Variants in GRID1 observed in about 807,000 individuals in gnomAD.
The protein encoded by GRID1 is glutamate ionotropic receptor delta type subunit 1.
Under a neutral mutation model 98.0 loss-of-function variants are expected in GRID1, and 28 were observed. That is an observed-to-expected ratio of 0.29 (90% CI 0.21 to 0.39). GRID1 has a LOEUF of 0.39. Ranked by LOEUF, GRID1 falls within the 10% of genes least tolerant of loss-of-function variation. The pLI is 1.00. For missense variants in GRID1, 1,111 were observed against 1,340.5 expected, an observed-to-expected ratio of 0.83 and a Z score of 2.67; for synonymous variants, 553 against 538.5, an observed-to-expected ratio of 1.03 and a Z score of -0.37.
intron 4 of GRID1, among the ~76,000 whole-genome samples, chr10:86,022,755 T>C (rs140675963): frequency 0.01 from 1,540 of 151,772 alleles, 29 homozygotes; most frequent in African/African-American, 0.035. Context: ...TCATCTCTAC[T>C]AAAAATACAA....
Position 86,366,210 on chromosome 10 carries a change from C to T in GRID1, c.79+104G>A. 2 of 692,220 alleles carry T rather than the reference C, an allele frequency of 2.9e-6. No homozygotes were observed. Among genetic ancestry groups the T allele is most frequent in the South Asian group, 3.0e-5 (1 of 33,448 alleles). 42.9% of individuals were successfully genotyped at this position (692,220 alleles called of 1,614,324 possible). ...CGCGGCCCTTCGGGGGAGCACCGCC[C>T]GCCGAGCCCCTCGGCCCAGGGAAAC... On this transcript the variant is annotated intron_variant, in intron 1 of 15. Coordinates refer to ENST00000327946, the MANE Select transcript of GRID1 (RefSeq NM_017551.3). This position sits in a 1 kb window ranked among gnomAD's most constrained non-coding sequence, Gnocchi z 4.1.
In GRID1 at chr10:85,729,807, T is replaced by C. The variant is rs547639789; in HGVS notation, c.1234-193A>G. Among the ~76,000 whole-genome samples, 40 of 152,340 alleles carry C rather than the reference T, an allele frequency of 2.6e-4. 1 individual carries two copies. In the South Asian group the frequency reaches 7.7e-3, roughly 29 times the overall value. ...TGGTAGACAGAGTTACATGTCCTCCTTCAGCTCGCCTGGATCTCTATAGAG... is the reference window on the plus strand; with the variant it reads ...TGGTAGACAGAGTTACATGTCCTCCCTCAGCTCGCCTGGATCTCTATAGAG... On this transcript the variant is annotated intron_variant, in intron 8 of 15. Coordinates refer to ENST00000327946, the MANE Select transcript of GRID1 (RefSeq NM_017551.3).
Position 85,980,416 on chromosome 10 carries a change from T to C in GRID1, c.727-64177A>G, listed in dbSNP as rs116849266. On this transcript the variant is annotated intron_variant, in intron 4 of 15. Transcript: ENST00000327946. ...CAAGGAAACTTATGTTTCCATATAA[T>C]AGATGAGAAACTGTCTGTCTACAGA... 2.6e-5 allele frequency among the ~76,000 whole-genome samples: 4 copies of C among 151,978 alleles called. No homozygotes were observed. In the East Asian group the frequency reaches 5.8e-4, roughly 22 times the overall value.
In GRID1 at chr10:85,691,463, C is replaced by T. The variant is rs537449068; in HGVS notation, c.1997+31540G>A. Among the ~76,000 whole-genome samples, 5 of 152,224 alleles carry T rather than the reference C, an allele frequency of 3.3e-5. No individual in the cohort carries two copies. In the East Asian group the frequency reaches 9.7e-4, roughly 29 times the overall value. The stretch of plus-strand genomic sequence containing the variant: ...ATTCCCCAGATCCTCGTAGTGAGCC[C>T]CTGGCATCTGCCTGCTGTCCCTCCT... On this transcript the variant is annotated intron_variant, in intron 12 of 15. Transcript: ENST00000327946.
At chr10:86,221,488 C>CCA (rs1281386819) in intron 2 of GRID1, among the ~76,000 whole-genome samples, 35 of 152,306 alleles carry the variant, frequency 2.3e-4, no homozygotes, top group Non-Finnish European at 4.6e-4. Context: ...GGAGAGGAAG[C>CCA]CTTTGTGGGC....
At chr10:85,623,545 G>A (rs1216636276) in intron 13 of GRID1, among the ~76,000 whole-genome samples, 2 of 152,136 alleles carry the variant, frequency 1.3e-5, no homozygotes. Flanking sequence ...GGGGGCTGGG[G>A]GGAGGACACC....
intron 4 of GRID1, among the ~76,000 whole-genome samples, chr10:86,024,978 A>G (rs1486279134): frequency 6.6e-6 from 1 of 152,224 alleles, no homozygotes; most frequent in Non-Finnish European, 1.5e-5. Context: ...AGCTAGCCTG[A>G]GGAGTTTGCA....
chr10:85,982,017 G>A (rs1362698539), intron 4 of GRID1, among the ~76,000 whole-genome samples: 2 of 152,104 alleles, frequency 1.3e-5, no homozygotes, highest in Non-Finnish European at 2.9e-5. Flanking sequence ...GAGTGAGAGT[G>A]ATCCAATGAC....
intron 2 of GRID1, among the ~76,000 whole-genome samples, chr10:86,361,639 T>C: frequency 6.6e-6 from 1 of 152,188 alleles, no homozygotes. Context: ...CGCTTACAGG[T>C]TGAATCACCC....
At chr10:86,074,732 A>G (rs917783068) in intron 4 of GRID1, among the ~76,000 whole-genome samples, 1 of 152,172 alleles carries the variant, frequency 6.6e-6, no homozygotes, top group Non-Finnish European at 1.5e-5. Context: ...CCACTTTCTG[A>G]GCCCTGAAGA....
intron 2 of GRID1, among the ~76,000 whole-genome samples, chr10:86,272,424 A>C (rs1847199299): frequency 6.6e-6 from 1 of 152,232 alleles, no homozygotes; most frequent in Non-Finnish European, 1.5e-5. Context: ...CTCCCCCAGC[A>C]TGATGTTATG....
intron 12 of GRID1, among the ~76,000 whole-genome samples, chr10:85,660,237 T>C (rs911973523): frequency 1.3e-5 from 2 of 152,242 alleles, no homozygotes; most frequent in African/African-American, 4.8e-5. Context: ...AGGACCAGGA[T>C]ACTGGCAGGA....
chr10:85,746,652 A>G (rs1335461235), intron 8 of GRID1, among the ~76,000 whole-genome samples: 1 of 152,100 alleles, frequency 6.6e-6, no homozygotes, highest in African/African-American at 2.4e-5. Flanking sequence ...ATGTCCTGGA[A>G]GATAGTTCCA....
rs1167883045 is a variant in GRID1 at position 85,724,575 on chromosome 10, A to C, written c.1635T>G (p.Ile545Met). 8 of 1,613,446 alleles carry C rather than the reference A, an allele frequency of 5.0e-6. No individual in the cohort carries two copies. Among genetic ancestry groups the C allele is most frequent in the South Asian group, 4.4e-5 (4 of 91,084 alleles). ...TGCTGATTTTCTCCTCGGGCTTCTT[A>C]ATTAGAATCCCCACTGAATAGTCCA... ...RYMDYSVGIL[I>M]KKPEEKISIF... is the part of the protein sequence containing the mutation. The change falls in exon 11 of 16, where the codon ATT (isoleucine) becomes ATG (methionine). Residue 545 changes from isoleucine to methionine, a missense_variant. Physicochemically the swap from Ile to Met is conservative, Grantham distance 10. Around this residue, in one of 3 missense-constraint regions of GRID1, gnomAD observed 762 missense variants for 869.1 expected, o/e 0.88. Coordinates refer to ENST00000327946, the MANE Select transcript of GRID1 (RefSeq NM_017551.3).
At chr10:85,917,509 C>T (rs1841637606) in intron 4 of GRID1, among the ~76,000 whole-genome samples, 2 of 152,186 alleles carry the variant, frequency 1.3e-5, no homozygotes, top group African/African-American at 4.8e-5. Context: ...TCATTAAAAT[C>T]AGACCATGAA....
chr10:86,352,665 A>G (rs1170141053), intron 2 of GRID1, among the ~76,000 whole-genome samples: 3 of 152,176 alleles, frequency 2.0e-5, no homozygotes, highest in Non-Finnish European at 4.4e-5. Context: ...CTGCAATGCC[A>G]TCACATTGGG....
chr10:86,098,173 G>A (rs1053110833), intron 4 of GRID1, among the ~76,000 whole-genome samples: 1 of 152,206 alleles, frequency 6.6e-6, no homozygotes, highest in Non-Finnish European at 1.5e-5. Flanking sequence ...TATGAAAGGA[G>A]TACATGCTTA....
intron 8 of GRID1, among the ~76,000 whole-genome samples, chr10:85,767,506 C>T (rs777544141): frequency 2.1e-4 from 32 of 152,228 alleles, no homozygotes; most frequent in African/African-American, 7.7e-4. Context: ...GGAAAAAGAA[C>T]TTTGTTAAAT....
chr10:85,963,492 C>G (rs138131624), intron 4 of GRID1, among the ~76,000 whole-genome samples: 263 of 152,302 alleles, frequency 1.7e-3, no homozygotes, highest in Admixed American at 7.5e-3. Context: ...TGTGCTCAAA[C>G]CTCTGCTAAG....
Sources: gnomAD v4.1 joint callset for allele counts (sites outside exome capture counted in the v4.1 genomes callset) on GRCh38, gnomAD v4.1.1 for gene constraint, gnomAD v4.1.1 regional missense constraint, Gnocchi (gnomAD v3.1) non-coding constraint, MANE v1.5 for transcripts, NCBI Gene and HGNC (gene_info 2026-07-23, HGNC 2026-07-21) for gene names.